The following XPR1 variants were observed in gnomAD, a reference collection of about 807,000 sequenced individuals.
The protein encoded by XPR1 is solute carrier family 53 member 1.
A neutral mutation model predicts 87.5 loss-of-function variants in XPR1; 28 were observed. That is an observed-to-expected ratio of 0.32 (90% CI 0.24 to 0.44). The LOEUF is 0.44. Ranked by LOEUF, XPR1 falls within the 20% of genes least tolerant of loss-of-function variation. The pLI, the probability that XPR1 is intolerant of heterozygous loss-of-function variation, is 1.00. For missense variants in XPR1, 559 were observed against 862.3 expected (o/e 0.65, Z 4.41); for synonymous variants, 300 against 306.1 (o/e 0.98, Z 0.21).
intron 12 of XPR1, among the ~76,000 whole-genome samples, chr1:180,873,205 C>T (rs1005759687): frequency 6.6e-6 from 1 of 152,140 alleles, no homozygotes; most frequent in Non-Finnish European, 1.5e-5. Flanking sequence ...TAAAACTGGA[C>T]TGGACTCCTA....
intron 1 of XPR1, among the ~76,000 whole-genome samples, chr1:180,644,300 G>A (rs140007984): frequency 3.7e-4 from 56 of 152,192 alleles, no homozygotes; most frequent in African/African-American, 1.3e-3. Context: ...TCAGGTCCTC[G>A]GGTAGGGGTG....
At chr1:180,761,569 A>G (rs1395222817) in intron 2 of XPR1, among the ~76,000 whole-genome samples, 1 of 152,238 alleles carries the variant, frequency 6.6e-6, no homozygotes, top group Non-Finnish European at 1.5e-5. Context: ...AACCACAATG[A>G]GATACCATCT....
chr1:180,663,339 C>G (rs971627537), intron 1 of XPR1, among the ~76,000 whole-genome samples: 1 of 152,222 alleles, frequency 6.6e-6, no homozygotes, highest in Admixed American at 6.5e-5. Context: ...CATCTGTTAT[C>G]TGCATTAGGG....
chr1:180,716,657 T>C (rs1286038791), intron 2 of XPR1, among the ~76,000 whole-genome samples: 1 of 152,204 alleles, frequency 6.6e-6, no homozygotes, highest in Non-Finnish European at 1.5e-5. Flanking sequence ...GGTTCTAAAC[T>C]TCACACCTGA....
intron 1 of XPR1, among the ~76,000 whole-genome samples, chr1:180,672,394 T>G (rs1314817940): frequency 6.6e-6 from 1 of 152,128 alleles, no homozygotes; most frequent in Non-Finnish European, 1.5e-5. Context: ...ATATGAGAAT[T>G]TGTGTAAGAG....
At chr1:180,813,588 G>A (rs1384310024) in intron 7 of XPR1, among the ~76,000 whole-genome samples, 2 of 152,140 alleles carry the variant, frequency 1.3e-5, no homozygotes, top group Non-Finnish European at 2.9e-5. Flanking sequence ...GTAGGGGCTT[G>A]AAAAGTATTG....
chr1:180,761,637 A>T (rs932530314), intron 2 of XPR1, among the ~76,000 whole-genome samples: 2 of 152,176 alleles, frequency 1.3e-5, no homozygotes, highest in African/African-American at 4.8e-5. Flanking sequence ...GCTGGAGAGG[A>T]TGTGGAGAAA....
At chr1:180,771,691 T>A (rs78826001) in intron 2 of XPR1, among the ~76,000 whole-genome samples, 146 of 152,290 alleles carry the variant, frequency 9.6e-4, no homozygotes, top group African/African-American at 3.2e-3. Flanking sequence ...AATATCTAAG[T>A]TTATTTCTGC....
chr1:180,791,356 C>T (rs987099874), intron 3 of XPR1, among the ~76,000 whole-genome samples: 4 of 152,188 alleles, frequency 2.6e-5, no homozygotes, highest in African/African-American at 9.7e-5. Flanking sequence ...ACTGCAACCT[C>T]TGCCTCCCAG....
intron 2 of XPR1, among the ~76,000 whole-genome samples, chr1:180,703,131 T>G (rs1191170209): frequency 6.6e-6 from 1 of 152,122 alleles, no homozygotes; most frequent in Admixed American, 6.5e-5. Flanking sequence ...TTGCTAGGGA[T>G]GAAAACACTA....
chr1:180,757,506 C>CT (rs35380232), intron 2 of XPR1, among the ~76,000 whole-genome samples: 53,595 of 134,460 alleles, frequency 0.4, 11,473 homozygotes, highest in Non-Finnish European at 0.48. Context: ...GTTACTAGGC[C>CT]TTTTTTTTTT....
chr1:180,796,377 A>AT (rs947313164), intron 3 of XPR1, among the ~76,000 whole-genome samples: 22 of 152,094 alleles, frequency 1.4e-4, no homozygotes, highest in African/African-American at 5.3e-4. Context: ...ATTGAATATG[A>AT]TTTTTTCAAA....
In XPR1 at chr1:180,886,284, T is replaced by C. The variant is rs1192983559; in HGVS notation, c.*2218T>C. 2 of 152,240 alleles carry C rather than the reference T, an allele frequency of 1.3e-5. No individual in the cohort carries two copies. The highest frequency in any genetic ancestry group is 4.8e-5 in the African/African-American group (2 of 41,460). The allele number at this position is 152,240 out of a possible 1,614,324, so 9.4% of individuals were successfully genotyped here. A position where few individuals can be genotyped will look rare whatever the true frequency, so the allele number is the denominator to read the frequency against. The stretch of plus-strand genomic sequence containing the variant: ...CAGCAGTAATTATTACTGAGTTAAA[T>C]TGAAAAGTCCAGTGGACCAGGCATT... On this transcript the variant is annotated 3_prime_UTR_variant, in exon 15 of 15. Transcript: ENST00000367590.
intron 2 of XPR1, among the ~76,000 whole-genome samples, chr1:180,725,242 G>A (rs1658298585): frequency 6.6e-6 from 1 of 152,142 alleles, no homozygotes; most frequent in East Asian, 1.9e-4. Flanking sequence ...CTGGAATAAT[G>A]TGCATTTTAA....
intron 2 of XPR1, among the ~76,000 whole-genome samples, chr1:180,739,690 A>G (rs192533337): frequency 1.4e-3 from 210 of 152,294 alleles, no homozygotes; most frequent in African/African-American, 4.3e-3. Context: ...AATCTGTTGT[A>G]AATGGTATGT....
intron 2 of XPR1, among the ~76,000 whole-genome samples, chr1:180,689,655 A>G (rs1250483283): frequency 1.3e-5 from 2 of 152,198 alleles, no homozygotes; most frequent in Non-Finnish European, 2.9e-5. Context: ...CTGGAACAGA[A>G]AAAGAACATC....
At chr1:180,797,152 C>T (rs751670186) in intron 3 of XPR1, among the ~76,000 whole-genome samples, 6 of 152,052 alleles carry the variant, frequency 3.9e-5, no homozygotes, top group Admixed American at 3.9e-4. Flanking sequence ...GTAGATGAAT[C>T]CTATGGTAGG....
At chr1:180,781,295 A>C (rs759828751) in intron 2 of XPR1, among the ~76,000 whole-genome samples, 3 of 152,068 alleles carry the variant, frequency 2.0e-5, no homozygotes, top group Non-Finnish European at 4.4e-5. Context: ...TATGTCGTCT[A>C]TACAGATTTA....
intron 1 of XPR1, among the ~76,000 whole-genome samples, chr1:180,657,241 G>A (rs1049337806): frequency 6.6e-6 from 1 of 151,814 alleles, no homozygotes; most frequent in Non-Finnish European, 1.5e-5. Context: ...CCATTCTGTG[G>A]GATGTCTCTT....
Sources: allele counts gnomAD v4.1 joint callset (sites outside exome capture counted in the v4.1 genomes callset), GRCh38; gene constraint gnomAD v4.1.1; transcripts MANE v1.5; gene names NCBI Gene and HGNC (gene_info 2026-07-23, HGNC 2026-07-21).